NME9: variants seen among roughly 807,000 people sequenced by gnomAD.
The protein encoded by NME9 is thioredoxin domain-containing protein 6.
Under a neutral mutation model 44.4 loss-of-function variants are expected in NME9, and 48 were observed. The observed-to-expected ratio is 1.08, with a 90% CI of 0.86 to 1.37. The LOEUF is 1.37. Ranked by LOEUF, NME9 falls within the 40% of genes most tolerant of loss-of-function variation. The pLI, the probability that NME9 is intolerant of heterozygous loss-of-function variation, is 0.00. For missense variants in NME9, 325 were observed against 405.2 expected, an observed-to-expected ratio of 0.80 and a Z score of 1.70; for synonymous variants, 139 against 147.1, an observed-to-expected ratio of 0.94 and a Z score of 0.40.
intron 8 of NME9, chr3:138,295,738 C>A: frequency 8.9e-7 from 1 of 1,124,582 alleles, no homozygotes; most frequent in Non-Finnish European, 1.3e-6. Flanking sequence ...CCTGGGCTCA[C>A]CCCAATTCCC....
chr3:138,306,249 C>T (rs1439288331), intron 7 of NME9, 149 bp downstream of exon 7: 1 of 840,934 alleles, frequency 1.2e-6, no homozygotes. Flanking sequence ...TCAGATTTAA[C>T]ATTTTCATTT....
Position 138,305,032 on chromosome 3 carries a change from G to A in NME9, c.637-5C>T. ...TACCAGCTTCTCAAATGCCTCCTAG[G>A]CACAGGGAGGGAAAACAGTGACCAG... On this transcript the variant is annotated splice_region_variant and splice_polypyrimidine_tract_variant and intron_variant, in intron 8 of 10. Coordinates refer to ENST00000333911, the MANE Select transcript of NME9 (RefSeq NM_001349018.2). The A allele has an allele frequency of 1.2e-6, 2 of 1,613,264 alleles. No homozygotes were observed. Among genetic ancestry groups the A allele is most frequent in the Non-Finnish European group, 1.7e-6 (2 of 1,179,494 alleles).
exon 9 of NME9, chr3:138,261,508 A>G (rs2047740202): frequency 6.6e-6 from 1 of 152,310 alleles, no homozygotes; most frequent in South Asian, 2.1e-4. Flanking sequence ...AGAGGTCAGG[A>G]AAGAACTCTA....
chr3:138,314,878 G>A (rs1250999248), intron 5 of NME9, among the ~76,000 whole-genome samples: 1 of 152,174 alleles, frequency 6.6e-6, no homozygotes, highest in East Asian at 1.9e-4. Context: ...TTTGCTATTT[G>A]GAATTTAATA....
rs189243002 is a variant in NME9 at position 138,288,930 on chromosome 3, C to T, written c.745+14577G>A. On this transcript the variant is annotated intron_variant, in intron 8 of 8. Transcript: ENST00000317876. ...GGGATTACAGGCATGAGCCACCTCA[C>T]CTGGCCCTGCTTCAGACTTTTAGGT... The T allele has an allele frequency of 2.9e-5, 22 of 762,576 alleles. No individual in the cohort carries two copies. The African/African-American group carries it at 3.7e-4, about 13-fold the overall frequency. 47.2% of individuals were successfully genotyped at this position (762,576 alleles called of 1,614,324 possible).
At chr3:138,288,393 G>A (rs1016993577) in intron 8 of NME9, among the ~76,000 whole-genome samples, 1 of 152,238 alleles carries the variant, frequency 6.6e-6, no homozygotes, top group African/African-American at 2.4e-5. Context: ...TCATATGACA[G>A]TGTTTCCTCG....
Position 138,321,537 on chromosome 3 carries a change from A to G in NME9, c.92-1956T>C, listed in dbSNP as rs150236490. ...ACACCTGAATTTTGAAGGGGGACAC[A>G]TTTAAACCACAGTACAGCAGAATCA... On this transcript the variant is annotated intron_variant, in intron 2 of 10. Transcript: ENST00000333911. 4.6e-5 allele frequency among the ~76,000 whole-genome samples: 7 copies of G among 152,334 alleles called. No individual in the cohort carries two copies. In the East Asian group the frequency reaches 1.4e-3, roughly 29 times the overall value.
chr3:138,290,519 C>T (rs375418466), intron 8 of NME9: 6 of 1,537,446 alleles, frequency 3.9e-6, no homozygotes, highest in South Asian at 2.4e-5. Context: ...GGGTCATGTT[C>T]CCAGTAACCT....
intron 8 of NME9, among the ~76,000 whole-genome samples, chr3:138,278,184 G>C (rs2049492485): frequency 6.6e-6 from 1 of 152,120 alleles, no homozygotes. Flanking sequence ...TGTAAATGCT[G>C]ACTGTACTGG....
intron 4 of NME9, among the ~76,000 whole-genome samples, chr3:138,316,705 C>T (rs2053110599): frequency 6.6e-6 from 1 of 151,888 alleles, no homozygotes; most frequent in African/African-American, 2.4e-5. Flanking sequence ...ACCTCCGCCT[C>T]CTGGGTTCAA....
chr3:138,262,776 T>G (rs74593220), intron 8 of NME9, among the ~76,000 whole-genome samples: 2,276 of 152,220 alleles, frequency 0.015, 62 homozygotes, highest in African/African-American at 0.053. Flanking sequence ...GAGTAACGAC[T>G]CCCATTAATG....
chr3:138,280,859 C>T (rs1380692408), intron 8 of NME9, among the ~76,000 whole-genome samples: 1 of 151,850 alleles, frequency 6.6e-6, no homozygotes, highest in Non-Finnish European at 1.5e-5. Context: ...AACTCTTGAC[C>T]TCAAGGGATC....
intron 8 of NME9, among the ~76,000 whole-genome samples, chr3:138,282,299 G>C (rs547036091): frequency 6.6e-6 from 1 of 152,270 alleles, no homozygotes; most frequent in African/African-American, 2.4e-5. Context: ...TGTGAGTCTG[G>C]TGTTGCCACA....
At chr3:138,285,196 C>T (rs2050291009) in intron 8 of NME9, among the ~76,000 whole-genome samples, 1 of 152,218 alleles carries the variant, frequency 6.6e-6, no homozygotes, top group Non-Finnish European at 1.5e-5. Flanking sequence ...CTGGCACCCT[C>T]ATTCTCCATG....
intron 8 of NME9, among the ~76,000 whole-genome samples, chr3:138,286,021 C>T (rs548056616): frequency 7.2e-5 from 11 of 152,218 alleles, no homozygotes; most frequent in African/African-American, 2.2e-4. Flanking sequence ...CTTGGCTCAC[C>T]ACAACTTCCA....
intron 2 of NME9, among the ~76,000 whole-genome samples, chr3:138,323,869 G>C (rs2053614492): frequency 2.0e-5 from 3 of 152,216 alleles, no homozygotes; most frequent in South Asian, 4.1e-4. Flanking sequence ...GTAGGTGGTA[G>C]GCAGCCTCTC....
intron 2 of NME9, 164 bp downstream of exon 2, chr3:138,324,693 TACACACACACACACAC>T (rs55961241): frequency 2.3e-4 from 124 of 534,456 alleles, no homozygotes; most frequent in East Asian, 4.2e-4. Flanking sequence ...TCAAGCCAGA[TACACACACACACACAC>T]ACACACACAC....
At chr3:138,291,746 A>G (rs906272461) in intron 8 of NME9, among the ~76,000 whole-genome samples, 1 of 152,190 alleles carries the variant, frequency 6.6e-6, no homozygotes, top group South Asian at 2.1e-4. Context: ...CATCTGGGCA[A>G]ATGCATAGAG....
intron 8 of NME9, chr3:138,287,760 C>G (rs1472311011): frequency 2.2e-6 from 1 of 450,446 alleles, no homozygotes; most frequent in Non-Finnish European, 4.5e-6. Flanking sequence ...TATAGTCCTA[C>G]ATGAGAAGAT....
Sources: allele counts gnomAD v4.1 joint callset (sites outside exome capture counted in the v4.1 genomes callset), GRCh38; gene constraint gnomAD v4.1.1; transcripts MANE v1.5; gene names NCBI Gene and HGNC (gene_info 2026-07-23, HGNC 2026-07-21).